USP40: variants seen among roughly 807,000 people sequenced by gnomAD.
USP40 encodes the protein ubiquitin carboxyl-terminal hydrolase 40.
In USP40, 143 loss-of-function variants were observed where a neutral mutation model predicts 166.2. The observed-to-expected ratio is 0.86, with a 90% CI of 0.75 to 0.99. The LOEUF (loss-of-function observed/expected upper bound fraction) is 0.99. USP40 is among the 50% of genes least tolerant of loss of function. The pLI is 0.00. For synonymous variants in USP40, 498 were observed against 524.0 expected (o/e 0.95, Z 0.68); for missense variants, 1,444 against 1,479.7 (o/e 0.98, Z 0.40).
intron 7 of USP40, among the ~76,000 whole-genome samples, chr2:233,549,703 G>A (rs1179969951): frequency 6.6e-6 from 1 of 151,842 alleles, no homozygotes; most frequent in Non-Finnish European, 1.5e-5. Context: ...AGGTTGTCAT[G>A]TGCCTCAAAG....
intron 13 of USP40, among the ~76,000 whole-genome samples, chr2:233,526,194 G>A (rs1269606422): frequency 6.6e-6 from 1 of 152,124 alleles, no homozygotes; most frequent in Admixed American, 6.6e-5. Flanking sequence ...ATTTACAAGT[G>A]ATTAGTTTGC....
At chr2:233,517,060 C>A (rs187217700) in intron 18 of USP40, among the ~76,000 whole-genome samples, 1 of 151,942 alleles carries the variant, frequency 6.6e-6, no homozygotes, top group South Asian at 2.1e-4. Context: ...ATTTTGATGT[C>A]GATTTTGTTG....
intron 18 of USP40, among the ~76,000 whole-genome samples, chr2:233,514,919 TCCTC>T (rs2067083759): frequency 6.6e-6 from 1 of 152,200 alleles, no homozygotes. Context: ...CAATCCCTCT[TCCTC>T]CCTCCCAATC....
chr2:233,490,158 TCC>T (rs1186685022), intron 26 of USP40, among the ~76,000 whole-genome samples: 1 of 147,738 alleles, frequency 6.8e-6, no homozygotes, highest in African/African-American at 2.6e-5. Flanking sequence ...TTTTCTTTTC[TCC>T]TTTTTTTTTT....
At chr2:233,500,771 A>T (rs770513665) in intron 21 of USP40, among the ~76,000 whole-genome samples, 2 of 152,218 alleles carry the variant, frequency 1.3e-5, no homozygotes, top group Non-Finnish European at 2.9e-5. Flanking sequence ...ATGCAAAGTG[A>T]TCCCATTTAT....
intron 28 of USP40, 117 bp downstream of exon 28, chr2:233,488,122 C>T (rs557326388): frequency 1.4e-4 from 115 of 838,266 alleles, no homozygotes; most frequent in Non-Finnish European, 2.0e-4. Flanking sequence ...TTTCAAGTTG[C>T]TAGGCTACTT....
Position 233,529,418 on chromosome 2 carries a change from A to T in USP40, c.1553+13T>A, listed in dbSNP as rs969366293. 2 of 1,552,810 alleles carry T rather than the reference A, an allele frequency of 1.3e-6. No individual in the cohort carries two copies. The highest frequency in any genetic ancestry group is 8.7e-7 in the Non-Finnish European group (1 of 1,146,152). ...GGAATACTAGTCAAACTCTAAAAGC[A>T]ATTTAAAATTACCTTTTGGTTTGCA... On this transcript the variant is annotated intron_variant, in intron 12 of 31. Coordinates refer to ENST00000678225, the MANE Select transcript of USP40 (RefSeq NM_001365479.2).
At chr2:233,508,808 T>C (rs2066604885) in intron 21 of USP40, among the ~76,000 whole-genome samples, 1 of 152,250 alleles carries the variant, frequency 6.6e-6, no homozygotes, top group African/African-American at 2.4e-5. Context: ...GCATCCATTA[T>C]AGGTAACTGC....
At position 233,485,971 on chromosome 2, in the gene USP40, C is replaced by A; in HGVS notation, c.3204G>T (p.Gln1068His). Residue 1068 changes from glutamine (Q) to histidine (H), a missense_variant, in exon 29 of 32, where the codon CAG becomes CAT. Transcript: ENST00000678225. ...GCACCTGTGTCCTCAGCAGCACGTC[C>A]TGGGGGCTGTACCAGAAAACCGTCA... ...PLQKGENLGP[Q>H]DVLLRTQVRI... 6.4e-7 allele frequency: 1 copy of A among 1,574,088 alleles called. No individual in the cohort carries two copies. Among genetic ancestry groups the A allele is most frequent in the South Asian group, 1.2e-5 (1 of 84,422 alleles).
rs776436640 is a variant in USP40 at position 233,523,317 on chromosome 2, G to A, written c.2054C>T (p.Ala685Val). The change falls in exon 16 of 32, where the codon GCA (alanine) becomes GTA (valine). Residue 685 changes from alanine to valine, a missense_variant. Physicochemically the swap from Ala to Val is moderately conservative, Grantham distance 64 (BLOSUM62 0). Transcript: ENST00000678225. The part of the protein sequence containing the change: ...GTVLTALAIP[A>V]GVIFINSAGC... The stretch of plus-strand genomic sequence containing the variant: ...AGCACTGTTGATGAAGATGACACCT[G>A]CTGGGATTGCTAAGGCTGTGAGGAC... The A allele has an allele frequency of 1.9e-6, 3 of 1,614,034 alleles. No homozygotes were observed. Among genetic ancestry groups the A allele is most frequent in the Non-Finnish European group, 2.5e-6 (3 of 1,179,884 alleles).
At chr2:233,542,161 T>C in intron 9 of USP40, 107 bp downstream of exon 9, 1 of 480,626 alleles carries the variant, frequency 2.1e-6, no homozygotes, top group Non-Finnish European at 3.5e-6. Context: ...ATGGTAATAA[T>C]ATCACACCTA....
chr2:233,544,581 A>G (rs1466918631), intron 8 of USP40, among the ~76,000 whole-genome samples: 1 of 152,176 alleles, frequency 6.6e-6, no homozygotes, highest in Non-Finnish European at 1.5e-5. Context: ...ACATCAACTC[A>G]GGTTTGGTGG....
intron 21 of USP40, among the ~76,000 whole-genome samples, chr2:233,507,019 G>A (rs2066467557): frequency 6.6e-6 from 1 of 152,008 alleles, no homozygotes; most frequent in South Asian, 2.1e-4. Context: ...AAAGACTTTA[G>A]TAAACATTTC....
intron 8 of USP40, chr2:233,542,602 CAGG>C (rs1671750515): frequency 5.5e-6 from 2 of 362,868 alleles, no homozygotes; most frequent in Middle Eastern, 7.2e-4. Flanking sequence ...TGCTTGAGCC[CAGG>C]AGGTCAAGGC....
At chr2:233,525,982 A>G (rs949700246) in intron 13 of USP40, among the ~76,000 whole-genome samples, 17 of 152,318 alleles carry the variant, frequency 1.1e-4, no homozygotes, top group Non-Finnish European at 1.9e-4. Flanking sequence ...TAGCTGCTTG[A>G]AAGGAATGTC....
Position 233,520,435 on chromosome 2 carries a change from GA to G in USP40, c.2325+555del, listed in dbSNP as rs530705059. ...TTCTAGTAAGTTTCAACTTGTTATAGAAAAAAAACCCATAATGAATTGAGAC... is the reference window on the plus strand; with the variant it reads ...TTCTAGTAAGTTTCAACTTGTTATAGAAAAAAACCCATAATGAATTGAGAC... On this transcript the variant is annotated intron_variant, in intron 17 of 31. Transcript: ENST00000678225. Among the ~76,000 whole-genome samples the G allele has an allele frequency of 1.7e-3, 259 of 151,334 alleles. 1 individual carries two copies. The highest frequency in any genetic ancestry group is 6.0e-3 in the African/African-American group (247 of 41,308).
At chr2:233,558,790 TTTTG>T (rs1416142087) in intron 4 of USP40, among the ~76,000 whole-genome samples, 4 of 152,316 alleles carry the variant, frequency 2.6e-5, no homozygotes, top group East Asian at 1.9e-4. Context: ...ACAGTGTTTT[TTTTG>T]TTTGTTTGTT....
At chr2:233,550,110 G>C (rs1277470981) in intron 7 of USP40, among the ~76,000 whole-genome samples, 1 of 152,032 alleles carries the variant, frequency 6.6e-6, no homozygotes, top group African/African-American at 2.4e-5. Context: ...GTGATGTTCA[G>C]ATGTACATAT....
At chr2:233,494,979 T>TATATATATAC (rs1197969295) in intron 24 of USP40, among the ~76,000 whole-genome samples, 7 of 74,928 alleles carry the variant, frequency 9.3e-5, no homozygotes, top group African/African-American at 3.9e-4. Flanking sequence ...TATATATATA[T>TATATATATAC]ACACACACAT....
Sources: allele counts gnomAD v4.1 joint callset (sites outside exome capture counted in the v4.1 genomes callset), GRCh38; gene constraint gnomAD v4.1.1; transcripts MANE v1.5; gene names NCBI Gene and HGNC (gene_info 2026-07-23, HGNC 2026-07-21).